Variants in CD226 observed in about 807,000 individuals in gnomAD.
The protein encoded by CD226 is CD226 antigen.
CD226 carries 24 observed loss-of-function variants against 34.9 expected under a neutral mutation model. The ratio of observed to expected loss-of-function variants is 0.69; its 90% CI spans 0.50 to 0.97. The LOEUF is 0.97. Among genes scored for constraint, CD226 ranks in the 50% least tolerant of loss-of-function variants. The probability of loss-of-function intolerance (pLI) is 0.00; values close to 1 mark genes in which losing one functional copy is unlikely to be tolerated. For missense variants in CD226, 397 were observed against 412.7 expected, an observed-to-expected ratio of 0.96 and a Z score of 0.33; for synonymous variants, 148 against 147.4, an observed-to-expected ratio of 1.00 and a Z score of -0.03.
chr18:69,941,852 G>T (rs2055728568), intron 2 of CD226, among the ~76,000 whole-genome samples: 1 of 152,098 alleles, frequency 6.6e-6, no homozygotes, highest in Admixed American at 6.5e-5. Context: ...GATATAATTT[G>T]GCTGTTTCCC....
rs1274060681 is a variant in CD226, at chr18:69,865,657, A to G, written c.886-1218T>C. 2.6e-5 allele frequency among the ~76,000 whole-genome samples: 4 copies of G among 152,230 alleles called. No homozygotes were observed. The East Asian group carries it at 7.7e-4, about 29-fold the overall frequency. On this transcript the variant is annotated intron_variant, in intron 5 of 5. Transcript: ENST00000582621. The stretch of plus-strand genomic sequence containing the variant: ...ATAAAGCAAGGTTTCTTGATTCTAC[A>G]GTTGGCATCAAGAAGCAATCCATGT...
At chr18:69,948,617 T>C (rs2055820181), upstream of CD226, among the ~76,000 whole-genome samples, 1 of 152,208 alleles carries the variant, frequency 6.6e-6, no homozygotes, top group South Asian at 2.1e-4. Flanking sequence ...GTACATATAA[T>C]CAAGCATGGT....
At chr18:69,883,467 A>C (rs78028309) in intron 3 of CD226, among the ~76,000 whole-genome samples, 1 of 152,218 alleles carries the variant, frequency 6.6e-6, no homozygotes, top group East Asian at 1.9e-4. Flanking sequence ...ATTATATCCC[A>C]CCACATAGAG....
chr18:69,876,329 A>G (rs1425730278), intron 3 of CD226, among the ~76,000 whole-genome samples: 1 of 152,212 alleles, frequency 6.6e-6, no homozygotes, highest in Non-Finnish European at 1.5e-5. Flanking sequence ...ATGAAGGTCT[A>G]ATTTATATGA....
chr18:69,928,055 G>A (rs1038709147), intron 2 of CD226, among the ~76,000 whole-genome samples: 6 of 152,246 alleles, frequency 3.9e-5, no homozygotes, highest in East Asian at 1.9e-4. Flanking sequence ...GCAGAAAAGC[G>A]GTAGATAAGT....
At chr18:69,884,545 A>G (rs1619345) in intron 3 of CD226, among the ~76,000 whole-genome samples, 17,714 of 152,220 alleles carry the variant, frequency 0.12, 1,603 homozygotes, top group African/African-American at 0.24. Flanking sequence ...TTGATGGAGA[A>G]ATGTCTTTCT....
At chr18:69,889,117 A>G (rs1286359235) in intron 3 of CD226, among the ~76,000 whole-genome samples, 1 of 152,118 alleles carries the variant, frequency 6.6e-6, no homozygotes, top group East Asian at 1.9e-4. Context: ...GCCATGATTG[A>G]GTAATCAACT....
intron 3 of CD226, among the ~76,000 whole-genome samples, chr18:69,883,565 C>A (rs1568167459): frequency 6.6e-6 from 1 of 152,156 alleles, no homozygotes; most frequent in Admixed American, 6.5e-5. Context: ...GGCAAAGAAA[C>A]ATGCTATCCA....
At position 69,926,099 on chromosome 18, in the gene CD226, C is replaced by T. The variant is rs140940452; in HGVS notation, c.382+20635G>A. Among the ~76,000 whole-genome samples the T allele has an allele frequency of 3.3e-5, 5 of 152,104 alleles. No homozygotes were observed. In the East Asian group the frequency reaches 5.8e-4, roughly 18 times the overall value. On this transcript the variant is annotated intron_variant, in intron 2 of 5. Transcript: ENST00000582621. The stretch of plus-strand genomic sequence containing the variant: ...TGGAGGTCGCAGTGTGCCAAGATTG[C>T]GCCACTGCACTCCAGACTGGGCGAC...
chr18:69,867,512 C>T, intron 4 of CD226, 101 bp from the exon 5 acceptor site: 1 of 723,920 alleles, frequency 1.4e-6, no homozygotes, highest in Non-Finnish European at 2.4e-6. Context: ...CCACATGCAC[C>T]TTCTAATATG....
chr18:69,882,884 G>A (rs1984345077), intron 3 of CD226, among the ~76,000 whole-genome samples: 1 of 152,094 alleles, frequency 6.6e-6, no homozygotes, highest in South Asian at 2.1e-4. Context: ...CTCAGGCTGG[G>A]GTTGAACTCT....
chr18:69,894,842 A>G (rs934475474), intron 3 of CD226, among the ~76,000 whole-genome samples: 4 of 151,836 alleles, frequency 2.6e-5, no homozygotes, highest in Non-Finnish European at 5.9e-5. Context: ...GCACTTCTGT[A>G]AGTGAAAGAA....
intron 2 of CD226, among the ~76,000 whole-genome samples, chr18:69,912,917 A>G (rs2055343011): frequency 6.6e-6 from 1 of 152,230 alleles, no homozygotes; most frequent in Non-Finnish European, 1.5e-5. Context: ...GAAAGGAACC[A>G]CACAGCACAA....
At chr18:69,882,153 T>C (rs1047823166) in intron 3 of CD226, among the ~76,000 whole-genome samples, 1 of 152,212 alleles carries the variant, frequency 6.6e-6, no homozygotes, top group African/African-American at 2.4e-5. Context: ...TCTGTCATTA[T>C]AGAGCAAACC....
At chr18:69,946,708 TAAA>T in intron 2 of CD226, 23 bp downstream of exon 2, 24 of 1,237,950 alleles carry the variant, frequency 1.9e-5, no homozygotes, top group Admixed American at 2.4e-5. Flanking sequence ...AAAAGGGATT[TAAA>T]AAAAAAAAAA....
upstream of CD226, among the ~76,000 whole-genome samples, chr18:69,957,914 T>C (rs1021621551): frequency 2.0e-5 from 3 of 152,200 alleles, no homozygotes; most frequent in East Asian, 5.8e-4. Flanking sequence ...ATGACTGCCA[T>C]TTTCCCAGTG....
intron 4 of CD226, among the ~76,000 whole-genome samples, chr18:69,872,093 G>GTGTGTGTGGTA (rs1356436254): frequency 1.0e-5 from 1 of 98,116 alleles, no homozygotes; most frequent in Non-Finnish European, 2.2e-5. Context: ...TGTGTGTGGT[G>GTGTGTGTGGTA]CATTTGGTAA....
upstream of CD226, among the ~76,000 whole-genome samples, chr18:69,958,897 G>A (rs1312472506): frequency 6.6e-6 from 1 of 150,610 alleles, no homozygotes. Context: ...TTTAGCTATT[G>A]CTATTTTTAA....
chr18:69,855,077 G>A lies in CD226; in HGVS notation c.*9237C>T, dbSNP rs1982572051. On this transcript the variant is annotated 3_prime_UTR_variant, in exon 6 of 6. Transcript: ENST00000582621. ...CTGCAAGCTAAAGACTTATTTACCT[G>A]TTCCTATTACATAACACACCAGATC... The A allele has an allele frequency of 6.6e-6, 1 of 152,062 alleles. No individual in the cohort carries two copies. The highest frequency in any genetic ancestry group is 2.4e-5 in the African/African-American group (1 of 41,416). The allele number at this position is 152,062 out of a possible 1,614,324, so 9.4% of individuals were successfully genotyped here. A position where few individuals can be genotyped will look rare whatever the true frequency, so the allele number is the denominator to read the frequency against.
Sources: allele counts gnomAD v4.1 joint callset (sites outside exome capture counted in the v4.1 genomes callset), GRCh38; gene constraint gnomAD v4.1.1; transcripts MANE v1.5; gene names NCBI Gene and HGNC (gene_info 2026-07-23, HGNC 2026-07-21).